HMGB1: variants seen among roughly 807,000 people sequenced by gnomAD.
HMGB1 encodes high mobility group box 1.
For missense variants in HMGB1, 79 were observed against 253.5 expected (o/e 0.31, Z 4.67); for synonymous variants, 81 against 84.0 (o/e 0.96, Z 0.19).
intron 1 of HMGB1, among the ~76,000 whole-genome samples, chr13:30,488,774 C>T (rs1887423282): frequency 6.6e-6 from 1 of 151,522 alleles, no homozygotes; most frequent in Admixed American, 6.6e-5. Context: ...CTGCCTCAGC[C>T]TCCCAAAGTG....
At chr13:30,594,459 T>C (rs1272819978) in intron 1 of HMGB1, among the ~76,000 whole-genome samples, 1 of 152,210 alleles carries the variant, frequency 6.6e-6, no homozygotes, top group Non-Finnish European at 1.5e-5. Context: ...ATCTCCCACT[T>C]ACAAGTGAGA....
chr13:30,606,352 A>G (rs1348305714), intron 1 of HMGB1, among the ~76,000 whole-genome samples: 1 of 152,200 alleles, frequency 6.6e-6, no homozygotes, highest in Non-Finnish European at 1.5e-5. Context: ...TGAAGACTCA[A>G]CTGAGCAACT....
intron 1 of HMGB1, among the ~76,000 whole-genome samples, chr13:30,585,548 C>T (rs1247145071): frequency 6.6e-6 from 1 of 151,532 alleles, no homozygotes; most frequent in East Asian, 2.0e-4. Flanking sequence ...AGTGGTGGCG[C>T]ATGCCTGTAA....
At chr13:30,553,656 C>T (rs1869535291) in intron 1 of HMGB1, 4 of 713,186 alleles carry the variant, frequency 5.6e-6, no homozygotes, top group Admixed American at 2.0e-5. Flanking sequence ...TTAAGATTCA[C>T]TATTTGTCCC....
chr13:30,584,292 C>A (rs932058828), intron 1 of HMGB1, among the ~76,000 whole-genome samples: 2 of 152,186 alleles, frequency 1.3e-5, no homozygotes, highest in Non-Finnish European at 2.9e-5. Context: ...TACCTCAGAA[C>A]ATGTGCACTT....
At chr13:30,505,171 G>A (rs892131283) in intron 1 of HMGB1, among the ~76,000 whole-genome samples, 4 of 147,560 alleles carry the variant, frequency 2.7e-5, no homozygotes, top group African/African-American at 1.0e-4. Flanking sequence ...TGTTGTTGTC[G>A]TTGTTGTTGT....
At chr13:30,469,082 G>C (rs988289564), upstream of HMGB1, among the ~76,000 whole-genome samples, 1 of 151,810 alleles carries the variant, frequency 6.6e-6, no homozygotes, top group Non-Finnish European at 1.5e-5. Context: ...TGATAGAGAC[G>C]GTTTCACCAT....
intron 1 of HMGB1, among the ~76,000 whole-genome samples, chr13:30,560,080 G>A (rs931654761): frequency 1.3e-5 from 2 of 151,996 alleles, no homozygotes; most frequent in Non-Finnish European, 2.9e-5. Flanking sequence ...CTTGTATCCT[G>A]TAGCAATGAG....
At chr13:30,464,519 A>G (rs1886590024) in intron 1 of HMGB1, 1 of 984,252 alleles carries the variant, frequency 1.0e-6, no homozygotes, top group Non-Finnish European at 1.2e-6. Flanking sequence ...CCGAGGAGAG[A>G]GGACGCGGCC....
At chr13:30,590,060 T>A (rs1246517974) in intron 1 of HMGB1, among the ~76,000 whole-genome samples, 1 of 152,166 alleles carries the variant, frequency 6.6e-6, no homozygotes. Flanking sequence ...CGTTGGTTAC[T>A]CAGGCTGGTC....
At chr13:30,481,194 T>C (rs1431353588) in intron 1 of HMGB1, among the ~76,000 whole-genome samples, 1 of 152,132 alleles carries the variant, frequency 6.6e-6, no homozygotes, top group Non-Finnish European at 1.5e-5. Context: ...AACACTTTCA[T>C]GTATCTATAC....
intron 1 of HMGB1, among the ~76,000 whole-genome samples, chr13:30,585,391 T>C (rs998145684): frequency 1.3e-5 from 2 of 152,022 alleles, no homozygotes; most frequent in Non-Finnish European, 1.5e-5. Context: ...AAATCCATTA[T>C]AAAGAAAAGT....
intron 1 of HMGB1, among the ~76,000 whole-genome samples, chr13:30,570,274 G>A (rs1346403639): frequency 6.6e-6 from 1 of 152,156 alleles, no homozygotes; most frequent in Non-Finnish European, 1.5e-5. Flanking sequence ...TCAACATAGC[G>A]AGACCTTTTC....
intron 1 of HMGB1, among the ~76,000 whole-genome samples, chr13:30,530,506 C>A (rs903117256): frequency 6.6e-6 from 1 of 152,144 alleles, no homozygotes; most frequent in Non-Finnish European, 1.5e-5. Flanking sequence ...TACCCTTTGA[C>A]CAATACTAGT....
intron 1 of HMGB1, among the ~76,000 whole-genome samples, chr13:30,477,655 T>C (rs775078416): frequency 6.6e-6 from 1 of 152,224 alleles, no homozygotes; most frequent in Non-Finnish European, 1.5e-5. Flanking sequence ...AATGCAAAGA[T>C]GCTTGCAAAT....
chr13:30,597,211 C>A (rs972654921), intron 1 of HMGB1, among the ~76,000 whole-genome samples: 3 of 128,772 alleles, frequency 2.3e-5, no homozygotes, highest in Admixed American at 7.5e-5. Flanking sequence ...TCCAATACGA[C>A]CAGTGTCCTT....
At chr13:30,464,052 G>A (rs753851765) in intron 1 of HMGB1, 24 of 953,494 alleles carry the variant, frequency 2.5e-5, no homozygotes, top group Non-Finnish European at 2.8e-5. Flanking sequence ...CCAAACCAAA[G>A]GTCAGAAAAC....
intron 1 of HMGB1, among the ~76,000 whole-genome samples, chr13:30,480,182 T>C (rs78774985): frequency 1.1e-4 from 17 of 152,374 alleles, no homozygotes; most frequent in South Asian, 2.1e-4. Flanking sequence ...CCAGAAATCA[T>C]AGAAGTTCAT....
chr13:30,609,127 G>C (rs1232809395), intron 1 of HMGB1, among the ~76,000 whole-genome samples: 4 of 152,178 alleles, frequency 2.6e-5, no homozygotes. Context: ...GCCCGGCGTA[G>C]TGGTGGGAGC....
Sources: allele counts gnomAD v4.1 joint callset (sites outside exome capture counted in the v4.1 genomes callset), GRCh38; gene constraint gnomAD v4.1.1; transcripts MANE v1.5; gene names NCBI Gene and HGNC (gene_info 2026-07-23, HGNC 2026-07-21).